Variants in ZNF704 observed in about 807,000 individuals in gnomAD.
The protein encoded by ZNF704 is zinc finger protein 704.
Under a neutral mutation model 44.7 loss-of-function variants are expected in ZNF704, and 10 were observed. That is an observed-to-expected ratio of 0.22 (90% CI 0.14 to 0.38). The LOEUF (loss-of-function observed/expected upper bound fraction) is 0.38, where lower values mean the gene tolerates loss of function less well. Ranked by LOEUF, ZNF704 falls within the 10% of genes least tolerant of loss-of-function variation. The pLI, the probability that ZNF704 is intolerant of heterozygous loss-of-function variation, is 1.00. For missense variants in ZNF704, 390 were observed against 545.5 expected (o/e 0.71, Z 2.84); for synonymous variants, 211 against 207.6 (o/e 1.02, Z -0.14).
intron 2 of ZNF704, among the ~76,000 whole-genome samples, chr8:80,698,802 C>T (rs889474970): frequency 6.6e-6 from 1 of 152,154 alleles, no homozygotes; most frequent in African/African-American, 2.4e-5. Context: ...GGCTGGTCTG[C>T]CCTTGAGCGC....
intron 2 of ZNF704, among the ~76,000 whole-genome samples, chr8:80,705,039 T>C (rs1231627815): frequency 6.6e-6 from 1 of 152,160 alleles, no homozygotes; most frequent in Non-Finnish European, 1.5e-5. Flanking sequence ...GTAGACAGTG[T>C]CACATTTGAA....
At chr8:80,820,992 T>C (rs536920575) in intron 2 of ZNF704, among the ~76,000 whole-genome samples, 67 of 152,272 alleles carry the variant, frequency 4.4e-4, no homozygotes, top group Admixed American at 7.2e-4. Flanking sequence ...CCTGCAGCCA[T>C]AGTTTACCAA....
chr8:80,689,246 CT>C (rs1465342204), intron 3 of ZNF704, among the ~76,000 whole-genome samples: 2 of 152,130 alleles, frequency 1.3e-5, no homozygotes, highest in African/African-American at 2.4e-5. Flanking sequence ...GATTTCATAA[CT>C]ACCTTTACCT....
At chr8:80,870,992 T>C (rs544638415) in intron 1 of ZNF704, among the ~76,000 whole-genome samples, 2 of 152,338 alleles carry the variant, frequency 1.3e-5, no homozygotes, top group East Asian at 3.9e-4. Context: ...GGTCTCATCC[T>C]GGATTCCTCC....
At chr8:80,682,042 G>A (rs1020815467) in intron 4 of ZNF704, among the ~76,000 whole-genome samples, 16 of 152,108 alleles carry the variant, frequency 1.1e-4, no homozygotes, top group African/African-American at 3.6e-4. Flanking sequence ...TCTTAGCATC[G>A]CCCTCCCCAG....
intron 2 of ZNF704, among the ~76,000 whole-genome samples, chr8:80,780,141 G>A (rs1012158794): frequency 4.6e-5 from 7 of 152,094 alleles, no homozygotes; most frequent in Non-Finnish European, 7.4e-5. Flanking sequence ...AGAGAAGGGA[G>A]GAGCAGTGAG....
chr8:80,807,416 G>C (rs1808007221), intron 2 of ZNF704, among the ~76,000 whole-genome samples: 1 of 151,960 alleles, frequency 6.6e-6, no homozygotes, highest in African/African-American at 2.4e-5. Flanking sequence ...CCAGTGAAAA[G>C]GTGTTTTTAA....
rs1563510868 is a variant in ZNF704 at position 80,664,876 on chromosome 8, GTCA to G, written c.863_865del (p.Met288del). On this transcript the variant is annotated inframe_deletion, in exon 6 of 9. Transcript: ENST00000327835. The stretch of plus-strand genomic sequence containing the variant: ...GGTGGGAGCTGAGCGGCTCAACGGC[GTCA>G]TCAACTTAGTCTCCGTTTTGGCACA... 4 of 1,614,200 alleles carry G rather than the reference GTCA, an allele frequency of 2.5e-6. No homozygotes were observed. In the South Asian group the frequency reaches 4.4e-5, roughly 18 times the overall value.
chr8:80,855,696 A>C (rs542760867), intron 1 of ZNF704, among the ~76,000 whole-genome samples: 2 of 152,326 alleles, frequency 1.3e-5, no homozygotes, highest in South Asian at 4.1e-4. Context: ...TGGATAACTA[A>C]CTTAAAAGTT....
chr8:80,715,509 T>A (rs749163428), intron 2 of ZNF704, among the ~76,000 whole-genome samples: 1 of 152,150 alleles, frequency 6.6e-6, no homozygotes, highest in Non-Finnish European at 1.5e-5. Flanking sequence ...CCAATTTCTG[T>A]TTTGGGGATG....
At position 80,636,601 on chromosome 8, in the gene ZNF704, GAGGAAC is replaced by G. The variant is rs1183742204; in HGVS notation, c.*4759_*4764del. 6.6e-6 allele frequency: 1 copy of G among 152,232 alleles called. No individual in the cohort carries two copies. The highest frequency in any genetic ancestry group is 1.5e-5 in the Non-Finnish European group (1 of 68,052). 9.4% of individuals were successfully genotyped at this position (152,232 alleles called of 1,614,324 possible). On this transcript the variant is annotated 3_prime_UTR_variant, in exon 9 of 9. Coordinates refer to ENST00000327835, the MANE Select transcript of ZNF704 (RefSeq NM_001033723.3). ...AATATGGAGGAATCCCCACAGGTAT[GAGGAAC>G]AGGAACAGTCCGTGCCGCTGGTAGG...
chr8:80,869,005 T>C (rs1378880226), intron 1 of ZNF704, among the ~76,000 whole-genome samples: 4 of 152,130 alleles, frequency 2.6e-5, no homozygotes, highest in African/African-American at 9.7e-5. Flanking sequence ...ACCTCTGGGG[T>C]TTGACTGTGC....
chr8:80,720,577 T>G lies in ZNF704; in HGVS notation c.222-27470A>C, dbSNP rs1449529868. Among the ~76,000 whole-genome samples, 4 of 152,332 alleles carry G rather than the reference T, an allele frequency of 2.6e-5. No homozygotes were observed. In the East Asian group the frequency reaches 5.8e-4, roughly 22 times the overall value. On this transcript the variant is annotated intron_variant, in intron 2 of 8. Coordinates refer to ENST00000327835, the MANE Select transcript of ZNF704 (RefSeq NM_001033723.3). ...TCTGGGTAAGGAAAGGAATTGTTCT[T>G]CTGCTGCCCATGGCCCTTTTTTTGT...
intron 2 of ZNF704, among the ~76,000 whole-genome samples, chr8:80,735,515 G>T (rs950683055): frequency 6.6e-6 from 1 of 152,148 alleles, no homozygotes; most frequent in East Asian, 1.9e-4. Context: ...TTCAACAAAT[G>T]CCTTTTAAAT....
At chr8:80,714,456 T>A (rs1172607035) in intron 2 of ZNF704, among the ~76,000 whole-genome samples, 1 of 152,186 alleles carries the variant, frequency 6.6e-6, no homozygotes, top group African/African-American at 2.4e-5. Flanking sequence ...TGTTTTTAAT[T>A]CCTTCTTGAT....
At chr8:80,669,152 T>C (rs1202038876) in intron 5 of ZNF704, among the ~76,000 whole-genome samples, 1 of 152,122 alleles carries the variant, frequency 6.6e-6, no homozygotes, top group Non-Finnish European at 1.5e-5. Flanking sequence ...TGGGACCGAA[T>C]AGGACTCAAT....
chr8:80,876,973 T>C (rs62515128), upstream of ZNF704, among the ~76,000 whole-genome samples: 3 of 149,388 alleles, frequency 2.0e-5, no homozygotes, highest in East Asian at 1.9e-4. Flanking sequence ...AGAAAGTAAA[T>C]GTTTTCCTGA....
intron 4 of ZNF704, among the ~76,000 whole-genome samples, chr8:80,674,227 C>T (rs574603440): frequency 9.1e-4 from 138 of 152,230 alleles, no homozygotes; most frequent in African/African-American, 3.3e-3. Flanking sequence ...CCAGATGGGG[C>T]GATTTAAATC....
chr8:80,684,646 T>C (rs1254777798), intron 4 of ZNF704, among the ~76,000 whole-genome samples: 2 of 152,206 alleles, frequency 1.3e-5, no homozygotes, highest in Non-Finnish European at 2.9e-5. Flanking sequence ...AACATGATTT[T>C]TTAAATCTCT....
Sources: gnomAD v4.1 joint callset for allele counts (sites outside exome capture counted in the v4.1 genomes callset) on GRCh38, gnomAD v4.1.1 for gene constraint, MANE v1.5 for transcripts, NCBI Gene and HGNC (gene_info 2026-07-23, HGNC 2026-07-21) for gene names.